The following RNF150 variants were observed in gnomAD, a reference collection of about 807,000 sequenced individuals.
The protein encoded by RNF150 is ring finger protein 150.
RNF150 carries 24 observed loss-of-function variants against 39.3 expected under a neutral mutation model. The ratio of observed to expected loss-of-function variants is 0.61; its 90% CI spans 0.44 to 0.86. RNF150 has a LOEUF of 0.86. Ranked by LOEUF, RNF150 falls within the 40% of genes least tolerant of loss-of-function variation. RNF150 has a pLI of 0.00. For synonymous variants in RNF150, 255 were observed against 227.3 expected, an observed-to-expected ratio of 1.12 and a Z score of -1.10; for missense variants, 502 against 587.8, an observed-to-expected ratio of 0.85 and a Z score of 1.51.
intron 1 of RNF150, among the ~76,000 whole-genome samples, chr4:141,104,300 T>C (rs770002851): frequency 2.0e-5 from 3 of 152,142 alleles, no homozygotes; most frequent in African/African-American, 4.8e-5. Context: ...AGCATAACCA[T>C]AAAGAGCCAT....
chr4:141,206,934 A>G (rs1177803404), intron 1 of RNF150, among the ~76,000 whole-genome samples: 7 of 151,886 alleles, frequency 4.6e-5, no homozygotes, highest in African/African-American at 1.5e-4. Flanking sequence ...GCAAGTCCCA[A>G]AGGTGGAAGA....
At chr4:141,080,663 A>G (rs1167102576) in intron 1 of RNF150, among the ~76,000 whole-genome samples, 2 of 152,160 alleles carry the variant, frequency 1.3e-5, no homozygotes, top group African/African-American at 4.8e-5. Flanking sequence ...CTATGAGGAT[A>G]TTAATTAGAT....
intron 1 of RNF150, among the ~76,000 whole-genome samples, chr4:141,165,404 A>G (rs1727583553): frequency 6.6e-6 from 1 of 152,168 alleles, no homozygotes; most frequent in Non-Finnish European, 1.5e-5. Flanking sequence ...TAGAAAATTC[A>G]CAAGGATATT....
At chr4:140,957,153 T>C (rs1732792280) in intron 2 of RNF150, among the ~76,000 whole-genome samples, 1 of 151,592 alleles carries the variant, frequency 6.6e-6, no homozygotes, top group African/African-American at 2.4e-5. Context: ...CGCAACCTAC[T>C]CATCTGACAA....
At chr4:141,089,361 C>T (rs1446947076) in intron 1 of RNF150, among the ~76,000 whole-genome samples, 2 of 152,000 alleles carry the variant, frequency 1.3e-5, no homozygotes, top group South Asian at 2.1e-4. Context: ...GGCATGGGTA[C>T]TTGTTGTTTA....
intron 1 of RNF150, among the ~76,000 whole-genome samples, chr4:141,203,412 T>C (rs1032203533): frequency 6.6e-6 from 1 of 151,414 alleles, no homozygotes; most frequent in Non-Finnish European, 1.5e-5. Flanking sequence ...TATATATATA[T>C]ATATGTGCCA....
chr4:140,989,558 T>C lies in RNF150; in HGVS notation c.485-21685A>G, dbSNP rs76327011. On this transcript the variant is annotated intron_variant, in intron 1 of 6. Coordinates refer to ENST00000515673, the MANE Select transcript of RNF150 (RefSeq NM_020724.2). ...AAACATTTAGAAAGATAGAAATAAC[T>C]GATTGCTAACAGATACATGATGACC... Among the ~76,000 whole-genome samples, 707 of 152,262 alleles carry C rather than the reference T, an allele frequency of 4.6e-3. 6 individuals carry two copies. Among genetic ancestry groups the C allele is most frequent in the African/African-American group, 0.016 (675 of 41,552 alleles).
chr4:141,158,966 TG>T (rs1196277798), intron 1 of RNF150, among the ~76,000 whole-genome samples: 1 of 152,240 alleles, frequency 6.6e-6, no homozygotes, highest in Non-Finnish European at 1.5e-5. Flanking sequence ...CCCAACTTGG[TG>T]TTCTTTAAAA....
At chr4:140,909,296 C>T (rs910707275) in intron 6 of RNF150, among the ~76,000 whole-genome samples, 3 of 152,082 alleles carry the variant, frequency 2.0e-5, no homozygotes, top group African/African-American at 7.2e-5. Context: ...GTGCCACTAG[C>T]CATATGTGAT....
intron 1 of RNF150, among the ~76,000 whole-genome samples, chr4:141,196,609 A>C (rs1163446365): frequency 6.6e-6 from 1 of 152,202 alleles, no homozygotes. Context: ...AAAGTTAGAA[A>C]GAGTTGGTAT....
rs144490963 is a variant in RNF150 at position 141,047,420 on chromosome 4, G to A, written c.485-79547C>T. Among the ~76,000 whole-genome samples, 7 of 152,208 alleles carry A rather than the reference G, an allele frequency of 4.6e-5. No individual in the cohort carries two copies. In the East Asian group the frequency reaches 1.4e-3, roughly 29 times the overall value. On this transcript the variant is annotated intron_variant, in intron 1 of 6. Coordinates refer to ENST00000515673, the MANE Select transcript of RNF150 (RefSeq NM_020724.2). ...ATCAAGAATCTGGTCGTGTGTAAAT[G>A]TGCACGTTCCCAGAACTGATCAAAG...
intron 1 of RNF150, among the ~76,000 whole-genome samples, chr4:141,149,814 G>A (rs1727267325): frequency 6.6e-6 from 1 of 152,200 alleles, no homozygotes; most frequent in Non-Finnish European, 1.5e-5. Flanking sequence ...TCTCCACACT[G>A]TTTTCCATAG....
intron 4 of RNF150, chr4:140,944,868 C>T (rs1421965294): frequency 6.6e-6 from 1 of 152,020 alleles, no homozygotes; most frequent in Non-Finnish European, 1.5e-5. Flanking sequence ...CTTAATAATA[C>T]CCCAGAGAAA....
At chr4:141,122,848 T>C (rs988038176) in intron 1 of RNF150, among the ~76,000 whole-genome samples, 2 of 152,246 alleles carry the variant, frequency 1.3e-5, no homozygotes, top group African/African-American at 4.8e-5. Context: ...CTATATAGCA[T>C]ATGTATTTCA....
At chr4:141,089,530 T>A (rs1319150698) in intron 1 of RNF150, among the ~76,000 whole-genome samples, 2 of 152,150 alleles carry the variant, frequency 1.3e-5, no homozygotes, top group African/African-American at 4.8e-5. Flanking sequence ...AGGAAAAGTG[T>A]CCTGGGGACT....
At chr4:141,098,570 T>A (rs1162538507) in intron 1 of RNF150, among the ~76,000 whole-genome samples, 4 of 152,338 alleles carry the variant, frequency 2.6e-5, no homozygotes, top group African/African-American at 9.6e-5. Flanking sequence ...ATTTTCCTTA[T>A]CTTTTGATGG....
At chr4:141,148,193 A>C (rs1447242838) in intron 1 of RNF150, among the ~76,000 whole-genome samples, 2 of 152,138 alleles carry the variant, frequency 1.3e-5, no homozygotes, top group Non-Finnish European at 2.9e-5. Flanking sequence ...TATTTTTTGA[A>C]AATCTTTGTA....
intron 1 of RNF150, among the ~76,000 whole-genome samples, chr4:141,205,403 T>C (rs570413819): frequency 7.2e-5 from 11 of 152,282 alleles, no homozygotes; most frequent in African/African-American, 1.4e-4. Flanking sequence ...GCTTCACAGG[T>C]AATAAAGGAA....
At position 140,953,901 on chromosome 4, in the gene RNF150, T is replaced by A. The variant is rs563275019; in HGVS notation, c.736-4529A>T. 5.2e-4 allele frequency among the ~76,000 whole-genome samples: 79 copies of A among 152,254 alleles called. 2 individuals carry two copies. In the South Asian group the frequency reaches 0.016, roughly 31 times the overall value. ...GTAATTGATCTCTTCTGTCTTTGGG[T>A]TTTTGATTGCACCCAGTACGAAGAG... On this transcript the variant is annotated intron_variant, in intron 2 of 6. Transcript: ENST00000515673.
Sources: allele counts gnomAD v4.1 joint callset (sites outside exome capture counted in the v4.1 genomes callset), GRCh38; gene constraint gnomAD v4.1.1; transcripts MANE v1.5; gene names NCBI Gene and HGNC (gene_info 2026-07-23, HGNC 2026-07-21).